AJAP1: variants seen among roughly 807,000 people sequenced by gnomAD.
AJAP1 encodes the protein adherens junctions associated protein 1, also known as adherens junction-associated protein 1.
A neutral mutation model predicts 35.0 loss-of-function variants in AJAP1; 5 were observed. The observed-to-expected ratio is 0.14, with a 90% CI of 0.07 to 0.30. AJAP1 has a LOEUF of 0.30. AJAP1 is among the 10% of genes least tolerant of loss of function. The probability of loss-of-function intolerance (pLI) is 1.00; values close to 1 mark genes in which losing one functional copy is unlikely to be tolerated. For missense variants in AJAP1, 586 were observed against 571.0 expected (o/e 1.03, Z -0.27); for synonymous variants, 284 against 249.3 (o/e 1.14, Z -1.31).
intron 1 of AJAP1, among the ~76,000 whole-genome samples, chr1:4,694,322 T>C (rs1473158209): frequency 2.0e-5 from 3 of 152,228 alleles, no homozygotes; most frequent in Non-Finnish European, 4.4e-5. Flanking sequence ...GAAGCCTGGC[T>C]CTCAGCTCCT....
intron 1 of AJAP1, among the ~76,000 whole-genome samples, chr1:4,697,972 G>A (rs1482422743): frequency 2.6e-5 from 4 of 152,226 alleles, no homozygotes; most frequent in Non-Finnish European, 5.9e-5. Context: ...CTGCACCAGC[G>A]TGGGGTGGTG....
chr1:4,728,564 G>A (rs565211203), intron 2 of AJAP1, among the ~76,000 whole-genome samples: 1 of 152,302 alleles, frequency 6.6e-6, no homozygotes, highest in Admixed American at 6.5e-5. Context: ...TCGCCGTGGG[G>A]GCCTGGCCTG....
intron 1 of AJAP1, among the ~76,000 whole-genome samples, chr1:4,696,914 ATGCATGTTCTGTGTGCGTGTGTGTCTC>A (rs1639874553): frequency 6.7e-6 from 1 of 149,806 alleles, no homozygotes; most frequent in African/African-American, 2.5e-5. Flanking sequence ...GTGTACATGC[ATGCATGTTCTGTGTGCGTGTGTGTCTC>A]TGCATGTTCT....
At chr1:4,701,606 G>A (rs140777807) in intron 1 of AJAP1, among the ~76,000 whole-genome samples, 168 of 152,316 alleles carry the variant, frequency 1.1e-3, no homozygotes, top group African/African-American at 3.8e-3. Flanking sequence ...AGGATGTGTT[G>A]AAGCATCCCT....
At chr1:4,721,260 G>T (rs886379791) in intron 2 of AJAP1, among the ~76,000 whole-genome samples, 53 of 152,274 alleles carry the variant, frequency 3.5e-4, no homozygotes, top group African/African-American at 1.3e-3. Flanking sequence ...CACTTTCCAT[G>T]ATTCTAGGGG....
intron 1 of AJAP1, among the ~76,000 whole-genome samples, chr1:4,702,356 T>C (rs906313365): frequency 2.0e-5 from 3 of 152,164 alleles, no homozygotes; most frequent in Non-Finnish European, 2.9e-5. Context: ...ACTGGCATCA[T>C]TCAGGTTTGG....
chr1:4,668,739 G>A (rs1639190767), intron 1 of AJAP1, among the ~76,000 whole-genome samples: 1 of 152,172 alleles, frequency 6.6e-6, no homozygotes, highest in African/African-American at 2.4e-5. Context: ...TGGAGCCGGG[G>A]TCCCCTGCCT....
chr1:4,696,874 T>C (rs554318610), intron 1 of AJAP1, among the ~76,000 whole-genome samples: 32 of 152,328 alleles, frequency 2.1e-4, no homozygotes, highest in Admixed American at 1.2e-3. Context: ...TTTGTGTGTA[T>C]GCACCTGTGT....
At chr1:4,715,123 T>A (rs1640359616) in intron 2 of AJAP1, among the ~76,000 whole-genome samples, 1 of 152,192 alleles carries the variant, frequency 6.6e-6, no homozygotes. Flanking sequence ...TGGAACCCCC[T>A]TGCTTGGCAG....
At chr1:4,729,401 GC>G (rs1640748213) in intron 2 of AJAP1, among the ~76,000 whole-genome samples, 1 of 152,226 alleles carries the variant, frequency 6.6e-6, no homozygotes, top group Non-Finnish European at 1.5e-5. Flanking sequence ...CTGTGCCCTG[GC>G]CCTTCCTGGT....
intron 1 of AJAP1, among the ~76,000 whole-genome samples, chr1:4,657,801 G>T (rs1248164790): frequency 6.6e-6 from 1 of 152,098 alleles, no homozygotes; most frequent in Non-Finnish European, 1.5e-5. Context: ...TGTTGGAACT[G>T]AGCTGTATGT....
chr1:4,673,007 GTGC>G, intron 1 of AJAP1, among the ~76,000 whole-genome samples: 1 of 152,298 alleles, frequency 6.6e-6, no homozygotes, highest in African/African-American at 2.4e-5. Context: ...AGATGAAGGA[GTGC>G]TTCCAGTCGA....
chr1:4,755,460 C>T (rs1333910277), intron 2 of AJAP1, among the ~76,000 whole-genome samples: 1 of 151,952 alleles, frequency 6.6e-6, no homozygotes, highest in Non-Finnish European at 1.5e-5. Context: ...GTGGGTTTTG[C>T]AGGCAGAGCA....
intron 2 of AJAP1, among the ~76,000 whole-genome samples, chr1:4,743,985 T>G (rs1311135040): frequency 6.6e-6 from 1 of 152,192 alleles, no homozygotes; most frequent in Non-Finnish European, 1.5e-5. Flanking sequence ...AGTGATGTGG[T>G]GTTTTTTATC....
intron 1 of AJAP1, among the ~76,000 whole-genome samples, chr1:4,698,197 T>C (rs1190816109): frequency 6.6e-6 from 1 of 152,108 alleles, no homozygotes; most frequent in Non-Finnish European, 1.5e-5. Context: ...TGTTCTTTGC[T>C]CGTCACCATG....
Position 4,723,655 on chromosome 1 carries a change from G to T in AJAP1, c.829+10956G>T, listed in dbSNP as rs1237566513. 6.6e-6 allele frequency among the ~76,000 whole-genome samples: 1 copy of T among 152,176 alleles called. No homozygotes were observed. Among genetic ancestry groups the T allele is most frequent in the African/African-American group, 2.4e-5 (1 of 41,448 alleles). ...CGAGGGCGATGGAAGGGAGACGGGA[G>T]GTGAGCCGCAGATGCAGTGGGTGGA... is the stretch of plus-strand genomic sequence containing the variant. On this transcript the variant is annotated intron_variant, in intron 2 of 5. Coordinates refer to ENST00000378191, the MANE Select transcript of AJAP1 (RefSeq NM_018836.4). This position sits in a 1 kb window ranked among gnomAD's most constrained non-coding sequence, Gnocchi z 4.3.
chr1:4,767,649 CCACCATCATCATCACTATTATCAT>C (rs1330503380), intron 2 of AJAP1, among the ~76,000 whole-genome samples: 6 of 151,502 alleles, frequency 4.0e-5, no homozygotes, highest in East Asian at 3.9e-4. Flanking sequence ...ATCACCATCA[CCACCATCATCATCACTATTATCAT>C]CACCATCATC....
At chr1:4,758,374 A>T (rs1641484703) in intron 2 of AJAP1, among the ~76,000 whole-genome samples, 1 of 152,214 alleles carries the variant, frequency 6.6e-6, no homozygotes, top group Non-Finnish European at 1.5e-5. Flanking sequence ...TGGGTAATTT[A>T]TAAAGAAAAG....
At chr1:4,749,539 C>T (rs1641274007) in intron 2 of AJAP1, among the ~76,000 whole-genome samples, 1 of 152,172 alleles carries the variant, frequency 6.6e-6, no homozygotes, top group South Asian at 2.1e-4. Flanking sequence ...ATGGGCAACC[C>T]AGCCCTCCAC....
Sources: allele counts gnomAD v4.1 joint callset (sites outside exome capture counted in the v4.1 genomes callset), GRCh38; gene constraint gnomAD v4.1.1; non-coding constraint Gnocchi (gnomAD v3.1); transcripts MANE v1.5; gene names NCBI Gene and HGNC (gene_info 2026-07-23, HGNC 2026-07-21).